The following ZMYM6 variants were observed in gnomAD, a reference collection of about 807,000 sequenced individuals.
ZMYM6 encodes the protein zinc finger MYM-type containing 6, also known as zinc finger MYM-type protein 6.
ZMYM6 carries 90 observed loss-of-function variants against 134.0 expected under a neutral mutation model. The ratio of observed to expected loss-of-function variants is 0.67; its 90% CI spans 0.57 to 0.80. The LOEUF (loss-of-function observed/expected upper bound fraction) is 0.80, where lower values mean the gene tolerates loss of function less well. Ranked by LOEUF, ZMYM6 falls within the 30% of genes least tolerant of loss-of-function variation. ZMYM6 has a pLI of 0.00. For missense variants in ZMYM6, 1,362 were observed against 1,533.9 expected, an observed-to-expected ratio of 0.89 and a Z score of 1.87; for synonymous variants, 481 against 524.1, an observed-to-expected ratio of 0.92 and a Z score of 1.12.
chr1:35,015,261 T>C (rs1221568967), intron 4 of ZMYM6, 99 bp from the exon 5 acceptor site: 5 of 1,169,298 alleles, frequency 4.3e-6, no homozygotes, highest in Admixed American at 5.9e-5. Flanking sequence ...GGGCAGGTAC[T>C]GTATGGTAGA....
Position 35,005,147 on chromosome 1 carries a change from T to G in ZMYM6, c.1939A>C (p.Asn647His). 2 of 1,614,068 alleles carry G rather than the reference T, an allele frequency of 1.2e-6. No homozygotes were observed. Among genetic ancestry groups the G allele is most frequent in the Non-Finnish European group, 1.7e-6 (2 of 1,179,954 alleles). Residue 647 changes from asparagine (N) to histidine (H), a missense_variant, in exon 13 of 16, where the codon AAC becomes CAC. Coordinates refer to ENST00000357182, the MANE Select transcript of ZMYM6 (RefSeq NM_007167.4). ...CAAGTCATACCTTTTAAAACACTGT[T>G]AGTGTTCCCTGTAGATAAGGTAGCA... The part of the protein sequence containing the change: ...IPATLSTGNT[N>H]SVLKGAVTKE...
intron 4 of ZMYM6, among the ~76,000 whole-genome samples, chr1:35,016,140 G>A (rs1329037716): frequency 1.3e-5 from 2 of 151,820 alleles, no homozygotes; most frequent in Non-Finnish European, 2.9e-5. Context: ...TAGTACAGAC[G>A]GGGTTTCGCC....
chr1:35,028,197 T>G (rs1641449033), intron 2 of ZMYM6, among the ~76,000 whole-genome samples: 1 of 151,472 alleles, frequency 6.6e-6, no homozygotes, highest in African/African-American at 2.4e-5. Context: ...ACACCTGTAA[T>G]CCCAGCTACT....
intron 2 of ZMYM6, among the ~76,000 whole-genome samples, chr1:35,025,134 G>A (rs952085139): frequency 6.8e-6 from 1 of 147,966 alleles, no homozygotes; most frequent in African/African-American, 2.5e-5. Context: ...GCCTCCCAAA[G>A]TGCTGGGATT....
intron 4 of ZMYM6, among the ~76,000 whole-genome samples, chr1:35,015,743 A>AATATATATATATATATATATATATATAT (rs35800399): frequency 1.9e-5 from 2 of 106,464 alleles, no homozygotes; most frequent in African/African-American, 1.3e-4. Flanking sequence ...AAAAAAAAAA[A>AATATATATATATATATATATATATATAT]ATATATATAT....
At position 34,987,989 on chromosome 1, in the gene ZMYM6, C is replaced by T. The variant is rs1382462626; in HGVS notation, c.3093G>A (p.Leu1031=). 6.4e-7 allele frequency: 1 copy of T among 1,551,176 alleles called. No homozygotes were observed. Among genetic ancestry groups the T allele is most frequent in the South Asian group, 1.2e-5 (1 of 83,866 alleles). ...KLSPCLHKIL[L]QSAQILSFIK... ...TAAAACTTAAAATTTGTGCTGACTG[C>T]AAAAGAATTTTATGTAAACATGGAG... The change falls in exon 16 of 16, where the codon TTG becomes TTA. Residue 1031 remains leucine (L), a synonymous_variant. Coordinates refer to ENST00000357182, the MANE Select transcript of ZMYM6 (RefSeq NM_007167.4).
chr1:35,010,977 T>G lies in ZMYM6; in HGVS notation c.1122A>C (p.Gln374His). 1 of 1,613,928 alleles carries G rather than the reference T, an allele frequency of 6.2e-7. No individual in the cohort carries two copies. Among genetic ancestry groups the G allele is most frequent in the Non-Finnish European group, 8.5e-7 (1 of 1,179,964 alleles). Residue 374 changes from glutamine (Q) to histidine (H), a missense_variant, in exon 9 of 16, where the codon CAA becomes CAC. Gln to His is a conservative substitution (Grantham distance 24, BLOSUM62 0). Coordinates refer to ENST00000357182, the MANE Select transcript of ZMYM6 (RefSeq NM_007167.4). ...TGGAGGAGGGCGGGCTTACAACCAC[T>G]TGGCCCTGAGACAGGGGCACCGCCG... ...NSSAVPLSQG[Q>H]VVVSPPSSRS...
intron 2 of ZMYM6, among the ~76,000 whole-genome samples, chr1:35,021,959 T>C (rs930550197): frequency 6.6e-6 from 1 of 152,244 alleles, no homozygotes; most frequent in Non-Finnish European, 1.5e-5. Flanking sequence ...CTTACTTTTC[T>C]GAATCAATGA....
rs1372706509 is a variant in ZMYM6 at position 35,015,083 on chromosome 1, A to G, written c.508T>C (p.Cys170Arg). 6.2e-7 allele frequency: 1 copy of G among 1,614,076 alleles called. No homozygotes were observed. The highest frequency in any genetic ancestry group is 1.1e-5 in the South Asian group (1 of 91,062). ...TTCTTTAGCTCATAAGATGACAAGC[A>G]TGATTGGCTGCAGAAATCTTTGCTA... is the stretch of plus-strand genomic sequence containing the variant. Reference protein sequence around the residue: ...YPSKDFCSQSCLSSYELKKKP... With the variant: ...YPSKDFCSQSRLSSYELKKKP... Residue 170 changes from cysteine (C) to arginine (R), a missense_variant, in exon 5 of 16, where the codon TGC becomes CGC. By Grantham distance (180) the Cys-to-Arg change is radical (BLOSUM62 -3). Transcript: ENST00000357182.
At chr1:35,006,908 C>G (rs1280489458) in intron 12 of ZMYM6, 43 bp downstream of exon 12, 12 of 1,572,754 alleles carry the variant, frequency 7.6e-6, no homozygotes, top group Non-Finnish European at 1.0e-5. Context: ...TGATAGTGTC[C>G]TAGCACTGAC....
intron 15 of ZMYM6, 188 bp from the exon 16 acceptor site, chr1:34,989,123 G>A (rs1002510944): frequency 7.2e-7 from 1 of 1,383,190 alleles, no homozygotes. Flanking sequence ...TTTCTCCTTT[G>A]CCCAAAGCTT....
rs1640601948 is a variant in ZMYM6 at position 34,987,904 on chromosome 1, C to T, written c.3178G>A (p.Glu1060Lys). The T allele has an allele frequency of 6.4e-6, 10 of 1,551,530 alleles. No individual in the cohort carries two copies. Among genetic ancestry groups the T allele is most frequent in the East Asian group, 2.4e-5 (1 of 40,930 alleles). ...LTILCEEMGSEHVSLPLHAEV... is the reference protein window; with the variant it reads ...LTILCEEMGSKHVSLPLHAEV... ...GCATGAAGCGGTAAACTCACATGCT[C>T]AGATCCCATCTCTTCACACAAAATT... Residue 1060 changes from glutamate (E) to lysine (K), a missense_variant, in exon 16 of 16, where the codon GAG (glutamate) becomes AAG (lysine). Glu to Lys is a moderately conservative substitution (Grantham distance 56). Transcript: ENST00000357182.
intron 2 of ZMYM6, among the ~76,000 whole-genome samples, chr1:35,023,264 C>T (rs1248897191): frequency 3.9e-5 from 6 of 152,176 alleles, no homozygotes; most frequent in Non-Finnish European, 8.8e-5. Flanking sequence ...TGCGCCACCA[C>T]GCCTGGCTAA....
chr1:35,010,713 T>C, intron 9 of ZMYM6, 45 bp downstream of exon 9: 1 of 1,537,998 alleles, frequency 6.5e-7, no homozygotes, highest in Non-Finnish European at 8.7e-7. Flanking sequence ...AAAGTGTTTC[T>C]ACTGGATGAG....
intron 2 of ZMYM6, among the ~76,000 whole-genome samples, chr1:35,024,850 A>C (rs1187205983): frequency 6.7e-6 from 1 of 150,290 alleles, no homozygotes; most frequent in Non-Finnish European, 1.5e-5. Flanking sequence ...ATTTTAAAGC[A>C]CTTACCTAAG....
intron 14 of ZMYM6, among the ~76,000 whole-genome samples, chr1:35,003,330 G>A (rs895565098): frequency 6.6e-6 from 1 of 152,090 alleles, no homozygotes; most frequent in Non-Finnish European, 1.5e-5. Context: ...GCCATAATTT[G>A]CAATCAGCCG....
At chr1:35,015,945 CTT>C (rs10715166) in intron 4 of ZMYM6, among the ~76,000 whole-genome samples, 12 of 134,112 alleles carry the variant, frequency 8.9e-5, no homozygotes, top group East Asian at 2.2e-4. Context: ...TTTTTTCTTT[CTT>C]TTTTTTTTTT....
chr1:34,987,664 A>G lies in ZMYM6; in HGVS notation c.3418T>C (p.Leu1140=), dbSNP rs1640598745. 4 of 1,556,812 alleles carry G rather than the reference A, an allele frequency of 2.6e-6. No homozygotes were observed. In the East Asian group the frequency reaches 9.7e-5, roughly 38 times the overall value. Residue 1140 remains leucine, a synonymous_variant, in exon 16 of 16, where the codon TTG becomes CTG. Coordinates refer to ENST00000357182, the MANE Select transcript of ZMYM6 (RefSeq NM_007167.4). The part of the protein sequence containing the change: ...LQGTLTTFFN[L]CNKIDVFKRK... Reference sequence around the variant, plus strand: ...TTAAATACATCAATTTTATTACACAAATTGAAGAAAGTAGTCAAAGTTCCT... The same window carrying G: ...TTAAATACATCAATTTTATTACACAGATTGAAGAAAGTAGTCAAAGTTCCT...
intron 2 of ZMYM6, among the ~76,000 whole-genome samples, chr1:35,027,120 A>G (rs1480630835): frequency 6.6e-6 from 1 of 152,254 alleles, no homozygotes; most frequent in Non-Finnish European, 1.5e-5. Context: ...CACCGGCACA[A>G]GAAATGGCAG....
Sources: allele counts gnomAD v4.1 joint callset (sites outside exome capture counted in the v4.1 genomes callset), GRCh38; gene constraint gnomAD v4.1.1; transcripts MANE v1.5; gene names NCBI Gene and HGNC (gene_info 2026-07-23, HGNC 2026-07-21).